Variants in MAGI2 observed in about 807,000 individuals in gnomAD.
MAGI2 encodes the protein membrane-associated guanylate kinase, WW and PDZ domain-containing protein 2.
Under a neutral mutation model 133.3 loss-of-function variants are expected in MAGI2, and 35 were observed. The observed-to-expected ratio is 0.26, with a 90% CI of 0.20 to 0.35. The LOEUF (loss-of-function observed/expected upper bound fraction) is 0.35. MAGI2 is among the 10% of genes least tolerant of loss of function. MAGI2 has a pLI of 1.00. For missense variants in MAGI2, 1,636 were observed against 1,863.4 expected, an observed-to-expected ratio of 0.88 and a Z score of 2.25; for synonymous variants, 729 against 710.6, an observed-to-expected ratio of 1.03 and a Z score of -0.41.
chr7:79,018,553 A>C (rs1424030406), intron 1 of MAGI2, among the ~76,000 whole-genome samples: 1 of 152,162 alleles, frequency 6.6e-6, no homozygotes, highest in Non-Finnish European at 1.5e-5. Flanking sequence ...ATCAACACTA[A>C]CCTTGAATGT....
chr7:78,487,849 T>C (rs1433918133), intron 6 of MAGI2, among the ~76,000 whole-genome samples: 1 of 152,088 alleles, frequency 6.6e-6, no homozygotes, highest in Non-Finnish European at 1.5e-5. Context: ...TGAGCCGAAG[T>C]GTGGCACATA....
intron 2 of MAGI2, among the ~76,000 whole-genome samples, chr7:78,979,351 T>TCC (rs144400619): frequency 4.0e-5 from 6 of 149,500 alleles, no homozygotes; most frequent in South Asian, 2.1e-4. Context: ...GTCAAAAAAG[T>TCC]CCCCCCCCAG....
intron 1 of MAGI2, among the ~76,000 whole-genome samples, chr7:79,259,867 T>G (rs1476327756): frequency 6.6e-6 from 1 of 152,224 alleles, no homozygotes; most frequent in African/African-American, 2.4e-5. Context: ...TTAAAATATC[T>G]TTATTTTTTG....
intron 7 of MAGI2, among the ~76,000 whole-genome samples, chr7:78,353,451 T>C (rs1791729457): frequency 6.6e-6 from 1 of 152,186 alleles, no homozygotes; most frequent in Non-Finnish European, 1.5e-5. Context: ...TGCCTGGGAC[T>C]AAGGAGTTTC....
intron 10 of MAGI2, among the ~76,000 whole-genome samples, chr7:78,245,952 C>A (rs964945484): frequency 6.6e-6 from 1 of 152,152 alleles, no homozygotes; most frequent in Non-Finnish European, 1.5e-5. Context: ...CCCTCCCATG[C>A]CTAAGGGCTT....
intron 9 of MAGI2, among the ~76,000 whole-genome samples, chr7:78,300,242 G>A (rs1404271901): frequency 2.6e-5 from 4 of 152,210 alleles, no homozygotes; most frequent in Admixed American, 6.5e-5. Context: ...ATGAAGAATC[G>A]AAAATGTTAC....
At chr7:79,423,266 T>C (rs1847106508) in intron 1 of MAGI2, among the ~76,000 whole-genome samples, 1 of 152,096 alleles carries the variant, frequency 6.6e-6, no homozygotes, top group Admixed American at 6.6e-5. Flanking sequence ...ATCATTTTAA[T>C]CTTCAACACC....
intron 10 of MAGI2, among the ~76,000 whole-genome samples, chr7:78,223,239 A>G (rs1789010566): frequency 6.6e-6 from 1 of 152,162 alleles, no homozygotes; most frequent in Non-Finnish European, 1.5e-5. Context: ...TTAGAAAAAC[A>G]TGTATGTTTT....
chr7:78,027,866 A>G (rs936699170), intron 21 of MAGI2, among the ~76,000 whole-genome samples: 1 of 152,214 alleles, frequency 6.6e-6, no homozygotes, highest in African/African-American at 2.4e-5. Flanking sequence ...AAAAATATCC[A>G]TGAATTTAGT....
intron 3 of MAGI2, among the ~76,000 whole-genome samples, chr7:78,579,852 C>T (rs931451840): frequency 1.3e-5 from 2 of 151,796 alleles, no homozygotes; most frequent in Non-Finnish European, 2.9e-5. Context: ...GGGGGTTACT[C>T]TTCCCTACAC....
At chr7:79,113,550 A>G (rs1819126591) in intron 1 of MAGI2, among the ~76,000 whole-genome samples, 1 of 152,194 alleles carries the variant, frequency 6.6e-6, no homozygotes, top group Non-Finnish European at 1.5e-5. Context: ...GAAAGATGTG[A>G]TATGATTGGT....
chr7:79,175,951 G>A (rs751926506), intron 1 of MAGI2, among the ~76,000 whole-genome samples: 252 of 151,764 alleles, frequency 1.7e-3, no homozygotes, highest in Non-Finnish European at 2.7e-3. Flanking sequence ...CCTTGCATGG[G>A]GCATTAACCT....
At chr7:78,913,847 G>A (rs1798593532) in intron 2 of MAGI2, among the ~76,000 whole-genome samples, 1 of 152,132 alleles carries the variant, frequency 6.6e-6, no homozygotes, top group Non-Finnish European at 1.5e-5. Flanking sequence ...AGTGCAATAT[G>A]CATTATGCAA....
chr7:79,077,474 C>T (rs935308509), intron 1 of MAGI2, among the ~76,000 whole-genome samples: 2 of 149,524 alleles, frequency 1.3e-5, no homozygotes, highest in African/African-American at 4.9e-5. Context: ...ACTCAGGAGG[C>T]GGAGGCAGGA....
chr7:78,225,981 G>T (rs750927742), intron 10 of MAGI2, among the ~76,000 whole-genome samples: 36 of 152,030 alleles, frequency 2.4e-4, no homozygotes, highest in Non-Finnish European at 2.9e-4. Flanking sequence ...ACAATCTCTG[G>T]CAAAGACCAG....
At chr7:78,288,976 A>C (rs1796429360) in intron 9 of MAGI2, among the ~76,000 whole-genome samples, 1 of 152,218 alleles carries the variant, frequency 6.6e-6, no homozygotes, top group African/African-American at 2.4e-5. Context: ...GACCAAAGGT[A>C]GATAAAACCA....
intron 1 of MAGI2, among the ~76,000 whole-genome samples, chr7:79,049,980 T>G (rs909531267): frequency 1.3e-5 from 2 of 152,332 alleles, no homozygotes; most frequent in East Asian, 3.9e-4. Context: ...TTCTGTAGTC[T>G]GCTGTGTTCG....
At chr7:79,138,386 A>AT (rs1821790564) in intron 1 of MAGI2, among the ~76,000 whole-genome samples, 3 of 152,278 alleles carry the variant, frequency 2.0e-5, no homozygotes, top group Admixed American at 1.3e-4. Flanking sequence ...GTGCAATGGA[A>AT]TTTAACTACC....
chr7:79,339,469 T>G (rs1366168870), intron 1 of MAGI2, among the ~76,000 whole-genome samples: 1 of 150,406 alleles, frequency 6.6e-6, no homozygotes, highest in Non-Finnish European at 1.5e-5. Context: ...TTTTTGTTTT[T>G]TTTTTTTTTG....
Sources: allele counts gnomAD v4.1 joint callset (sites outside exome capture counted in the v4.1 genomes callset), GRCh38; gene constraint gnomAD v4.1.1; transcripts MANE v1.5; gene names NCBI Gene and HGNC (gene_info 2026-07-23, HGNC 2026-07-21).